The following IGF1 variants were observed in gnomAD, a reference collection of about 807,000 sequenced individuals.
IGF1 encodes the protein insulin like growth factor 1.
Under a neutral mutation model 13.8 loss-of-function variants are expected in IGF1, and 4 were observed. The observed-to-expected ratio is 0.29, with a 90% CI of 0.14 to 0.66. IGF1 has a LOEUF of 0.66. IGF1 is among the 30% of genes least tolerant of loss of function. IGF1 has a pLI of 0.78. For synonymous variants in IGF1, 76 were observed against 72.6 expected (o/e 1.05, Z -0.23); for missense variants, 124 against 188.5 (o/e 0.66, Z 2.00).
chr12:102,478,030 G>T, intron 1 of IGF1, among the ~76,000 whole-genome samples: 2 of 136,854 alleles, frequency 1.5e-5, no homozygotes, highest in Admixed American at 7.8e-5. Context: ...TATATTGTCA[G>T]ATAAATCTCA....
intron 3 of IGF1, among the ~76,000 whole-genome samples, chr12:102,403,595 C>T (rs959169412): frequency 4.0e-5 from 6 of 149,564 alleles, no homozygotes; most frequent in Admixed American, 6.7e-5. Context: ...TAGCTGGGAC[C>T]ACAGGCGCAT....
intron 3 of IGF1, among the ~76,000 whole-genome samples, chr12:102,404,376 ATTGGCCAAGGCCCATAGG>A (rs1414303172): frequency 6.6e-6 from 1 of 152,212 alleles, no homozygotes; most frequent in Non-Finnish European, 1.5e-5. Context: ...AATAATACCT[ATTGGCCAAGGCCCATAGG>A]GATCGGCAGG....
intron 2 of IGF1, chr12:102,463,542 G>C (rs1463309602): frequency 6.6e-6 from 1 of 152,104 alleles, no homozygotes. Context: ...GTTTATTAAG[G>C]TACACAGTCC....
chr12:102,416,511 T>C (rs1457177070), intron 3 of IGF1, among the ~76,000 whole-genome samples: 2 of 152,236 alleles, frequency 1.3e-5, no homozygotes, highest in Non-Finnish European at 2.9e-5. Context: ...ACTTTGATTA[T>C]GTGCTGTTGT....
chr12:102,446,679 A>G (rs2373722), intron 2 of IGF1, among the ~76,000 whole-genome samples: 143,496 of 152,254 alleles, frequency 0.94, 67,670 homozygotes, highest in East Asian at 1. Flanking sequence ...ATGAGCTCCT[A>G]GATTCCTGAA....
chr12:102,411,298 G>A (rs1390084542), intron 3 of IGF1, among the ~76,000 whole-genome samples: 1 of 152,016 alleles, frequency 6.6e-6, no homozygotes, highest in Non-Finnish European at 1.5e-5. Flanking sequence ...TACAATTGTC[G>A]GCTGATTGAG....
At chr12:102,480,998 A>G (rs1427779432), upstream of IGF1, among the ~76,000 whole-genome samples, 2 of 152,152 alleles carry the variant, frequency 1.3e-5, no homozygotes, top group Non-Finnish European at 2.9e-5. Flanking sequence ...TCTCCAGCAA[A>G]CTCTACAATT....
At chr12:102,412,359 A>C (rs546047982) in intron 3 of IGF1, among the ~76,000 whole-genome samples, 2 of 152,174 alleles carry the variant, frequency 1.3e-5, no homozygotes, top group African/African-American at 4.8e-5. Flanking sequence ...CCAGCTCTGT[A>C]ATGGGTGCAA....
At chr12:102,405,080 T>G (rs1336096688) in intron 3 of IGF1, among the ~76,000 whole-genome samples, 1 of 149,848 alleles carries the variant, frequency 6.7e-6, no homozygotes, top group African/African-American at 2.4e-5. Context: ...GGTTCTGCTT[T>G]CTTTCTTTCT....
chr12:102,443,382 C>A (rs561024019), intron 2 of IGF1, among the ~76,000 whole-genome samples: 2 of 152,160 alleles, frequency 1.3e-5, no homozygotes, highest in East Asian at 3.9e-4. Context: ...GTTGAACCTC[C>A]AGCAGCCATC....
At chr12:102,452,237 G>A (rs574833154) in intron 2 of IGF1, among the ~76,000 whole-genome samples, 9 of 130,098 alleles carry the variant, frequency 6.9e-5, no homozygotes, top group African/African-American at 2.2e-4. Context: ...ACTCCAGCCT[G>A]GGCGACAGAG....
In IGF1 at chr12:102,441,921, T is replaced by G. The variant is rs559296422; in HGVS notation, c.221-22231A>C. ...CTATTACACTGCTTCTTCTCCTTCT[T>G]CTTCTTCTTCTTCTTCTTCTTCTTC... On this transcript the variant is annotated intron_variant, in intron 2 of 3. Transcript: ENST00000337514. Among the ~76,000 whole-genome samples the G allele has an allele frequency of 7.0e-4, 82 of 117,668 alleles. 1 individual carries two copies. Among genetic ancestry groups the G allele is most frequent in the African/African-American group, 2.5e-3 (75 of 30,110 alleles). 77.2% of individuals were successfully genotyped at this position (117,668 alleles called of 152,430 possible).
At chr12:102,458,927 G>C (rs914150726) in intron 2 of IGF1, among the ~76,000 whole-genome samples, 1 of 151,986 alleles carries the variant, frequency 6.6e-6, no homozygotes, top group South Asian at 2.1e-4. Context: ...ATATGTAGGG[G>C]GTCATTTGTA....
intron 2 of IGF1, among the ~76,000 whole-genome samples, chr12:102,423,681 T>C (rs1875947928): frequency 1.3e-5 from 2 of 152,168 alleles, no homozygotes; most frequent in African/African-American, 4.8e-5. Context: ...AAATAATGCA[T>C]GGTCGGGGAG....
chr12:102,413,815 C>A (rs534221287), intron 3 of IGF1, among the ~76,000 whole-genome samples: 1 of 152,032 alleles, frequency 6.6e-6, no homozygotes, highest in Non-Finnish European at 1.5e-5. Context: ...ATTATATGAC[C>A]CGGAAACAGA....
chr12:102,407,094 CAAAAAAAAAAAAAAAAAAAAAAAAAAAA>C (rs57468885), intron 3 of IGF1, among the ~76,000 whole-genome samples: 3 of 100,980 alleles, frequency 3.0e-5, no homozygotes, highest in Admixed American at 9.7e-5. Flanking sequence ...ACTCTGTCTC[CAAAAAAAAAAAAAAAAAAAAAAAAAAAA>C]AAAAAAAAAA....
At chr12:102,478,836 C>T (rs1345367911) in intron 1 of IGF1, among the ~76,000 whole-genome samples, 1 of 152,206 alleles carries the variant, frequency 6.6e-6, no homozygotes, top group East Asian at 1.9e-4. Flanking sequence ...GACTCACTCA[C>T]TTGGAAATAC....
chr12:102,439,068 C>A (rs1022873236), intron 2 of IGF1, among the ~76,000 whole-genome samples: 2 of 152,190 alleles, frequency 1.3e-5, no homozygotes, highest in Non-Finnish European at 2.9e-5. Flanking sequence ...ACACTTGCAA[C>A]GGTTTTACAC....
chr12:102,444,461 G>A (rs1278193051), intron 2 of IGF1, among the ~76,000 whole-genome samples: 2 of 151,628 alleles, frequency 1.3e-5, no homozygotes, highest in Non-Finnish European at 2.9e-5. Flanking sequence ...CAACTTCATG[G>A]GCAAAAAGGG....
Sources: allele counts gnomAD v4.1 joint callset (sites outside exome capture counted in the v4.1 genomes callset), GRCh38; gene constraint gnomAD v4.1.1; transcripts MANE v1.5; gene names NCBI Gene and HGNC (gene_info 2026-07-23, HGNC 2026-07-21).